Variants in BDH1 observed in about 807,000 individuals in gnomAD.
BDH1 encodes the protein D-beta-hydroxybutyrate dehydrogenase, mitochondrial.
In BDH1, 30 loss-of-function variants were observed where a neutral mutation model predicts 33.1. That is an observed-to-expected ratio of 0.91 (90% CI 0.68 to 1.23). BDH1 has a LOEUF of 1.23. BDH1 is among the 50% of genes most tolerant of loss of function. BDH1 has a pLI of 0.00. For missense variants in BDH1, 443 were observed against 464.4 expected, an observed-to-expected ratio of 0.95 and a Z score of 0.42; for synonymous variants, 190 against 183.6, an observed-to-expected ratio of 1.03 and a Z score of -0.28.
intron 1 of BDH1, among the ~76,000 whole-genome samples, chr3:197,565,426 T>C (rs1244185415): frequency 1.3e-5 from 2 of 152,204 alleles, no homozygotes; most frequent in Admixed American, 6.5e-5. Context: ...ATTATGTCTT[T>C]TTCTGCTTGA....
chr3:197,512,232 T>G lies in BDH1; in HGVS notation c.695A>C (p.Lys232Thr), dbSNP rs746397441. 1 of 1,613,752 alleles carries G rather than the reference T, an allele frequency of 6.2e-7. No homozygotes were observed. Among genetic ancestry groups the G allele is most frequent in the Non-Finnish European group, 8.5e-7 (1 of 1,180,030 alleles). The change falls in exon 8 of 8, where the codon AAG becomes ACG. Residue 232 changes from lysine (K) to threonine (T), a missense_variant. Lys to Thr is a moderately conservative substitution (Grantham distance 78, BLOSUM62 -1). Transcript: ENST00000392379. ...LRYEMYPLGVKVSVVEPGNFI... is the reference protein window; with the variant it reads ...LRYEMYPLGVTVSVVEPGNFI... ...GTTGCCGGGCTCCACCACGCTGACC[T>G]TCACGCCCAGGGGGTACATCTCATA...
chr3:197,566,079 T>C (rs556977665), intron 1 of BDH1, among the ~76,000 whole-genome samples: 17 of 152,398 alleles, frequency 1.1e-4, no homozygotes, highest in African/African-American at 4.1e-4. Context: ...TATACTTCTA[T>C]GAACAAAATT....
At chr3:197,538,730 C>T (rs2108749895) in intron 3 of BDH1, 1 of 181,000 alleles carries the variant, frequency 5.5e-6, no homozygotes, top group South Asian at 1.1e-4. Context: ...AAAATATGTT[C>T]TTAAAGAACA....
At chr3:197,543,668 A>T (rs937506995) in intron 3 of BDH1, among the ~76,000 whole-genome samples, 2 of 152,218 alleles carry the variant, frequency 1.3e-5, no homozygotes, top group Non-Finnish European at 2.9e-5. Context: ...TGCTCTGGGC[A>T]TGTCAAGAGT....
chr3:197,536,742 C>A (rs756707058), intron 3 of BDH1, among the ~76,000 whole-genome samples: 2 of 152,100 alleles, frequency 1.3e-5, no homozygotes. Flanking sequence ...CCTCGGGAGG[C>A]TGAGGCAGAA....
chr3:197,558,072 C>T (rs1052089784), upstream of BDH1, among the ~76,000 whole-genome samples: 2 of 152,242 alleles, frequency 1.3e-5, no homozygotes, highest in Admixed American at 6.5e-5. Context: ...GAGAATTAAA[C>T]TGAATTGTAG....
rs990976891 is a variant in BDH1, at chr3:197,510,022, G to C, written c.*1873C>G. 7 of 152,302 alleles carry C rather than the reference G, an allele frequency of 4.6e-5. No individual in the cohort carries two copies. The highest frequency in any genetic ancestry group is 1.7e-4 in the African/African-American group (7 of 41,442). 9.4% of individuals were successfully genotyped at this position (152,302 alleles called of 1,614,324 possible). On this transcript the variant is annotated 3_prime_UTR_variant, in exon 8 of 8. Coordinates refer to ENST00000392379, the MANE Select transcript of BDH1 (RefSeq NM_203314.3). ...GGGACCCCTGTTTGAAGACAGCGGG[G>C]ACAACGGCCCGGGAGGCAGCTGAAT... is the stretch of plus-strand genomic sequence containing the variant.
At chr3:197,567,972 G>T (rs1260762512) in intron 1 of BDH1, among the ~76,000 whole-genome samples, 1 of 152,102 alleles carries the variant, frequency 6.6e-6, no homozygotes, top group Non-Finnish European at 1.5e-5. Flanking sequence ...CTGTCTGTTT[G>T]CCTGCTAGCT....
At chr3:197,533,236 C>CG (rs377001473) in intron 4 of BDH1, among the ~76,000 whole-genome samples, 1 of 151,868 alleles carries the variant, frequency 6.6e-6, no homozygotes, top group East Asian at 1.9e-4. Context: ...TCTCGCCCCC[C>CG]ACCTAGGCCT....
In BDH1 at chr3:197,541,273, T is replaced by C. The variant is rs1411110587; in HGVS notation, c.83+5088A>G. ...GAAGGGGTGGCCCCAGAAATCTGCC[T>C]GTGTCATTCACCTCAGGGGATTCCA... is the stretch of plus-strand genomic sequence containing the variant. On this transcript the variant is annotated intron_variant, in intron 3 of 7. Coordinates refer to ENST00000392379, the MANE Select transcript of BDH1 (RefSeq NM_203314.3). 2.6e-5 allele frequency among the ~76,000 whole-genome samples: 4 copies of C among 152,318 alleles called. No individual in the cohort carries two copies. The South Asian group carries it at 6.2e-4, about 24-fold the overall frequency.
chr3:197,553,527 C>CAAAAAA (rs750811753), intron 2 of BDH1, among the ~76,000 whole-genome samples: 1 of 97,084 alleles, frequency 1.0e-5, no homozygotes, highest in African/African-American at 3.9e-5. Context: ...GACTCTGTCT[C>CAAAAAA]AAAAAAAAAA....
rs1408888699 is a variant in BDH1, at chr3:197,526,233, C to T, written c.268-3452G>A. 1.3e-5 allele frequency among the ~76,000 whole-genome samples: 2 copies of T among 152,188 alleles called. No individual in the cohort carries two copies. Among genetic ancestry groups the T allele is most frequent in the African/African-American group, 2.4e-5 (1 of 41,446 alleles). ...GAACCCAAACTCCCAAACTTGTATG[C>T]GAGGTAAAGCTTTCCCCTGCCCAGC... is the stretch of plus-strand genomic sequence containing the variant. On this transcript the variant is annotated intron_variant, in intron 5 of 7. Coordinates refer to ENST00000392379, the MANE Select transcript of BDH1 (RefSeq NM_203314.3). This position sits in a 1 kb window ranked among gnomAD's most constrained non-coding sequence, Gnocchi z 4.7.
rs758476070 is a variant in BDH1 at position 197,522,475 on chromosome 3, G to T, written c.409+165C>A. Among the ~76,000 whole-genome samples, 1 of 152,158 alleles carries T rather than the reference G, an allele frequency of 6.6e-6. No homozygotes were observed. The highest frequency in any genetic ancestry group is 1.5e-5 in the Non-Finnish European group (1 of 68,028). On this transcript the variant is annotated intron_variant, in intron 6 of 7. Transcript: ENST00000392379. This position sits in a 1 kb window ranked among gnomAD's most constrained non-coding sequence, Gnocchi z 4.8. ...ATTTTTCCATTGCCCTATTGCACGT[G>T]TATGTTTAGTGTAATCCTCTTCCTC...
rs1485019663 is a variant in BDH1, at chr3:197,526,591, G to A, written c.268-3810C>T. On this transcript the variant is annotated intron_variant, in intron 5 of 7. Coordinates refer to ENST00000392379, the MANE Select transcript of BDH1 (RefSeq NM_203314.3). The surrounding 1 kb of genome is among the most constrained non-coding windows in gnomAD (Gnocchi z 4.7). ...TCCCTCAGCCCCTGGCCTCAGTGAT[G>A]TACCCGCTTCTGGCTGGGGCCACAT... 6.6e-6 allele frequency among the ~76,000 whole-genome samples: 1 copy of A among 152,184 alleles called. No homozygotes were observed. The highest frequency in any genetic ancestry group is 1.5e-5 in the Non-Finnish European group (1 of 68,028).
At chr3:197,560,011 G>T (rs1031999526), upstream of BDH1, among the ~76,000 whole-genome samples, 3 of 152,194 alleles carry the variant, frequency 2.0e-5, no homozygotes, top group African/African-American at 7.2e-5. Flanking sequence ...CAAGGCCTCA[G>T]GCCAGGGTAT....
rs959442440 is a variant in BDH1, at chr3:197,526,857, G to A, written c.268-4076C>T. 6.6e-6 allele frequency among the ~76,000 whole-genome samples: 1 copy of A among 152,186 alleles called. No homozygotes were observed. Among genetic ancestry groups the A allele is most frequent in the African/African-American group, 2.4e-5 (1 of 41,448 alleles). On this transcript the variant is annotated intron_variant, in intron 5 of 7. Transcript: ENST00000392379. This position sits in a 1 kb window ranked among gnomAD's most constrained non-coding sequence, Gnocchi z 4.7. ...GGCCTCCAGACTCCAGGGCACACAT[G>A]GTAAGCCAAGAAGCTCTCCGGGGAG...
chr3:197,524,751 G>A (rs1000637649), intron 5 of BDH1, among the ~76,000 whole-genome samples: 1 of 152,042 alleles, frequency 6.6e-6, no homozygotes, highest in Non-Finnish European at 1.5e-5. Flanking sequence ...TGGGGGTTGG[G>A]GGGATGCTTG....
At chr3:197,543,806 G>T (rs1251959102) in intron 3 of BDH1, among the ~76,000 whole-genome samples, 1 of 152,178 alleles carries the variant, frequency 6.6e-6, no homozygotes, top group Non-Finnish European at 1.5e-5. Flanking sequence ...CATGTGGGTG[G>T]AGTAAGAGTA....
rs1553865645 is a variant in BDH1, at chr3:197,510,599, G to GGGGTGT, written c.*1295_*1296insACACCC. On this transcript the variant is annotated 3_prime_UTR_variant, in exon 8 of 8. Coordinates refer to ENST00000392379, the MANE Select transcript of BDH1 (RefSeq NM_203314.3). ...CCACGCTGAAGCCCTGCAGAACAGG[G>GGGGTGT]GTGTGTGTGTGTGTGTGTGTGTGTG... 8.0e-5 allele frequency: 6 copies of GGGGTGT among 75,372 alleles called. No homozygotes were observed. Among genetic ancestry groups the GGGGTGT allele is most frequent in the Non-Finnish European group, 4.9e-5 (2 of 41,022 alleles). The allele number at this position is 75,372 out of a possible 1,614,324, so 4.7% of individuals were successfully genotyped here.
Sources: gnomAD v4.1 joint callset for allele counts (sites outside exome capture counted in the v4.1 genomes callset) on GRCh38, gnomAD v4.1.1 for gene constraint, Gnocchi (gnomAD v3.1) non-coding constraint, MANE v1.5 for transcripts, NCBI Gene and HGNC (gene_info 2026-07-23, HGNC 2026-07-21) for gene names.